SETD1B: variants seen among roughly 807,000 people sequenced by gnomAD.
The protein encoded by SETD1B is SET domain containing 1B, histone lysine methyltransferase, also known as histone-lysine N-methyltransferase SETD1B.
SETD1B carries 7 observed loss-of-function variants against 148.0 expected under a neutral mutation model. The observed-to-expected ratio is 0.05, with a 90% CI of 0.03 to 0.09. The LOEUF (loss-of-function observed/expected upper bound fraction) is 0.09, where lower values mean the gene tolerates loss of function less well. Ranked by LOEUF, SETD1B falls within the 10% of genes least tolerant of loss-of-function variation. The pLI, the probability that SETD1B is intolerant of heterozygous loss-of-function variation, is 1.00. For missense variants in SETD1B, 2,155 were observed against 2,729.9 expected, an observed-to-expected ratio of 0.79 and a Z score of 4.69; for synonymous variants, 1,361 against 1,186.5, an observed-to-expected ratio of 1.15 and a Z score of -3.02.
chr12:121,814,703 C>A lies in SETD1B; in HGVS notation c.2488C>A (p.Arg830Ser), dbSNP rs558765938. Residue 830 changes from arginine to serine, a missense_variant, in exon 7 of 17, where the codon CGC becomes AGC. Around this residue, in one of 11 missense-constraint regions of SETD1B, gnomAD observed 289 missense variants for 423.7 expected, o/e 0.68. Transcript: ENST00000604567. The stretch of plus-strand genomic sequence containing the variant: ...CTCCCTGAGCAACTCCGGCCCAGGC[C>A]GCGGGCAGCACTGGCCACCACTGCC... ...PFSLSNSGPG[R>S]GQHWPPLPKF... The A allele has an allele frequency of 3.9e-6, 6 of 1,550,738 alleles. No individual in the cohort carries two copies. In the South Asian group the frequency reaches 7.1e-5, roughly 18 times the overall value.
Position 121,827,949 on chromosome 12 carries a change from G to A in SETD1B, c.5606G>A (p.Arg1869Gln). 6.4e-7 allele frequency: 1 copy of A among 1,552,040 alleles called. No individual in the cohort carries two copies. The highest frequency in any genetic ancestry group is 1.2e-5 in the South Asian group (1 of 84,078). ...QNIRQVIADM[R>Q]EKRYEDEGIG... ...TGTGGCCAGGTGATCGCAGACATGC[G>A]GGAGAAGCGTTATGAGGACGAGGGC... The change falls in exon 16 of 17, where the codon CGG becomes CAG. Residue 1869 changes from arginine to glutamine, a missense_variant. Arg to Gln is a conservative substitution (Grantham distance 43). This residue lies in a region of SETD1B where 51 missense variants were observed against 162.8 expected (regional missense o/e 0.31). Transcript: ENST00000604567.
At chr12:121,806,129 T>G in intron 4 of SETD1B, 24 bp downstream of exon 4, 2 of 1,545,274 alleles carry the variant, frequency 1.3e-6, no homozygotes, top group African/African-American at 1.4e-5. Context: ...GGGAGGAGCG[T>G]GGGGAGACCT....
intron 12 of SETD1B, among the ~76,000 whole-genome samples, chr12:121,824,748 G>A (rs577729464): frequency 1.3e-5 from 2 of 152,060 alleles, no homozygotes; most frequent in South Asian, 4.1e-4. Flanking sequence ...TGAGCAGAAA[G>A]TTGTTAAAAC....
rs767553186 is a variant in SETD1B at position 121,804,806 on chromosome 12, G to C, written c.69G>C (p.Glu23Asp). 1.3e-6 allele frequency: 2 copies of C among 1,550,908 alleles called. No homozygotes were observed. Among genetic ancestry groups the C allele is most frequent in the Non-Finnish European group, 1.7e-6 (2 of 1,146,752 alleles). The change falls in exon 2 of 17, where the codon GAG becomes GAC. Residue 23 changes from glutamate to aspartate, a missense_variant. Glu to Asp is a conservative substitution (Grantham distance 45). This residue lies in a region of SETD1B where 124 missense variants were observed against 282.9 expected (regional missense o/e 0.44). Coordinates refer to ENST00000604567, the MANE Select transcript of SETD1B (RefSeq NM_001353345.2). The surrounding 1 kb of genome is among the most constrained non-coding windows in gnomAD (Gnocchi z 4.6). ...QPPPQPGPSG[E>D]RRNHHWRSYK... Reference sequence around the variant, plus strand: ...CGCCGCAGCCCGGCCCTTCGGGCGAGAGGAGGAACCACCATTGGAGAAGTT... The same window carrying C: ...CGCCGCAGCCCGGCCCTTCGGGCGACAGGAGGAACCACCATTGGAGAAGTT...
chr12:121,827,457 C>T, intron 13 of SETD1B, 62 bp from the exon 14 acceptor site: 2 of 1,472,874 alleles, frequency 1.4e-6, no homozygotes, highest in South Asian at 2.7e-5. Flanking sequence ...GATCCAGAGC[C>T]TAGGGTGGGA....
intron 16 of SETD1B, among the ~76,000 whole-genome samples, chr12:121,828,943 G>A (rs999268270): frequency 5.9e-5 from 9 of 152,180 alleles, no homozygotes; most frequent in Non-Finnish European, 1.0e-4. Flanking sequence ...GGACTTTCCT[G>A]TGAATATCCG....
intron 6 of SETD1B, among the ~76,000 whole-genome samples, chr12:121,813,116 TCTGACTGG>T (rs1183733900): frequency 1.3e-5 from 2 of 152,126 alleles, no homozygotes; most frequent in African/African-American, 4.8e-5. Context: ...CAGACCTTCT[TCTGACTGG>T]CTGTGCCGCG....
chr12:121,810,700 G>A lies in SETD1B; in HGVS notation c.1755G>A (p.Glu585=). ...TCCCAGACTCCGACGAGGACGAGGA[G>A]CTCGACCTGGGCCTTGGGCCTCGGC... is the stretch of plus-strand genomic sequence containing the variant. ...TPLPDSDEDE[E]LDLGLGPRPP... is the part of the protein sequence containing the mutation. The change falls in exon 6 of 17, where the codon GAG becomes GAA. Residue 585 remains glutamate, a synonymous_variant. Transcript: ENST00000604567. The surrounding 1 kb of genome is among the most constrained non-coding windows in gnomAD (Gnocchi z 7.6). 1.3e-6 allele frequency: 2 copies of A among 1,551,100 alleles called. No homozygotes were observed. Among genetic ancestry groups the A allele is most frequent in the Non-Finnish European group, 1.7e-6 (2 of 1,146,932 alleles).
chr12:121,797,143 T>C, the SETD1B span: 2 of 280,280 alleles, frequency 7.1e-6, no homozygotes, highest in Non-Finnish European at 1.4e-5. Flanking sequence ...CGACCTGAGA[T>C]GGTGGTGCCA....
upstream of SETD1B, chr12:121,800,456 G>A (rs960898666): frequency 6.6e-5 from 10 of 152,166 alleles, no homozygotes; most frequent in Admixed American, 5.2e-4. Flanking sequence ...GGGCGGCCTG[G>A]GGTCAGGGCC....
At chr12:121,828,691 G>T (rs1003819481) in intron 16 of SETD1B, among the ~76,000 whole-genome samples, 2 of 152,254 alleles carry the variant, frequency 1.3e-5, no homozygotes, top group Non-Finnish European at 2.9e-5. Flanking sequence ...GGCATGTTCC[G>T]GGGTGGATGC....
In SETD1B at chr12:121,804,755, C is replaced by A. The variant is rs748729469; in HGVS notation, c.18C>A (p.Pro6=). 4.5e-6 allele frequency: 7 copies of A among 1,550,214 alleles called. No homozygotes were observed. The highest frequency in any genetic ancestry group is 3.9e-5 in the Admixed American group (2 of 50,804). The change falls in exon 2 of 17, where the codon CCC becomes CCA. Residue 6 remains proline (P), a synonymous_variant. Transcript: ENST00000604567. The surrounding 1 kb of genome is among the most constrained non-coding windows in gnomAD (Gnocchi z 4.6). ...TTAACGGCATGGAGAACAGTCACCCCCCCCACCACCACCACCAGCAGCCCC... is the reference window on the plus strand; with the variant it reads ...TTAACGGCATGGAGAACAGTCACCCACCCCACCACCACCACCAGCAGCCCC... The part of the protein sequence containing the change: MENSH[P]PHHHHQQPPP...
Position 121,810,707 on chromosome 12 carries a change from C to T in SETD1B, c.1762C>T (p.Leu588=). The change falls in exon 6 of 17, where the codon CTG becomes TTG. Residue 588 remains leucine (L), a synonymous_variant. Coordinates refer to ENST00000604567, the MANE Select transcript of SETD1B (RefSeq NM_001353345.2). This position sits in a 1 kb window ranked among gnomAD's most constrained non-coding sequence, Gnocchi z 7.6. ...CTCCGACGAGGACGAGGAGCTCGACCTGGGCCTTGGGCCTCGGCCTCCACC... is the reference window on the plus strand; with the variant it reads ...CTCCGACGAGGACGAGGAGCTCGACTTGGGCCTTGGGCCTCGGCCTCCACC... ...PDSDEDEELD[L]GLGPRPPPEP... 1 of 1,551,272 alleles carries T rather than the reference C, an allele frequency of 6.4e-7. No individual in the cohort carries two copies. Among genetic ancestry groups the T allele is most frequent in the Non-Finnish European group, 8.7e-7 (1 of 1,146,942 alleles).
In SETD1B at chr12:121,808,230, T is replaced by C. The variant is rs145928437; in HGVS notation, c.567T>C (p.Tyr189=). The C allele has an allele frequency of 8.3e-3, 12,867 of 1,551,384 alleles. 183 individuals carry two copies. The highest frequency in any genetic ancestry group is 0.036 in the Middle Eastern group (213 of 5,988). Residue 189 remains tyrosine (Y), a synonymous_variant, in exon 5 of 17, where the codon TAT becomes TAC. Coordinates refer to ENST00000604567, the MANE Select transcript of SETD1B (RefSeq NM_001353345.2). This position sits in a 1 kb window ranked among gnomAD's most constrained non-coding sequence, Gnocchi z 5.3. ...CAGGGGAAACCCGAATGCGGTTCTATGAACTGTTGGTCACTGGCCGATACA... is the reference window on the plus strand; with the variant it reads ...CAGGGGAAACCCGAATGCGGTTCTACGAACTGTTGGTCACTGGCCGATACA... The part of the protein sequence containing the change: ...DTKGETRMRF[Y]ELLVTGRYTP...
At chr12:121,797,801 A>T in the SETD1B span, 1 of 352,584 alleles carries the variant, frequency 2.8e-6, no homozygotes, top group Non-Finnish European at 5.6e-6. Context: ...GCCAAATTTA[A>T]AACAGGTTTC....
chr12:121,796,883 A>T, the SETD1B span, among the ~76,000 whole-genome samples: 1 of 152,164 alleles, frequency 6.6e-6, no homozygotes, highest in Non-Finnish European at 1.5e-5. Flanking sequence ...TACTAAAAAT[A>T]CAAAATTATC....
rs1875661043 is a variant in SETD1B, at chr12:121,805,092, C to T, written c.175-26C>T. The T allele has an allele frequency of 1.3e-6, 2 of 1,542,504 alleles. No homozygotes were observed. Among genetic ancestry groups the T allele is most frequent in the South Asian group, 1.2e-5 (1 of 83,844 alleles). On this transcript the variant is annotated intron_variant, in intron 2 of 16. Transcript: ENST00000604567. This position sits in a 1 kb window ranked among gnomAD's most constrained non-coding sequence, Gnocchi z 4.2. ...TGGGGAGGGGGACCAGTTCTCTCAT[C>T]CCGGCCCCCCAATTTCTCCCCACAG...
chr12:121,817,038 G>C lies in SETD1B; in HGVS notation c.2721G>C (p.Ser907=). ...CCCTCCTGTCTCCACCCCAGGCCTCGCTGACCCCGGTGAAGTCGGGCGAGC... is the reference window on the plus strand; with the variant it reads ...CCCTCCTGTCTCCACCCCAGGCCTCCCTGACCCCGGTGAAGTCGGGCGAGC... ...WDKKERMAKA[S]LTPVKSGEHK... The change falls in exon 8 of 17, where the codon TCG becomes TCC. Residue 907 remains serine (S), a synonymous_variant. Coordinates refer to ENST00000604567, the MANE Select transcript of SETD1B (RefSeq NM_001353345.2). The surrounding 1 kb of genome is among the most constrained non-coding windows in gnomAD (Gnocchi z 8.1). 1.3e-6 allele frequency: 2 copies of C among 1,519,410 alleles called. No homozygotes were observed. The highest frequency in any genetic ancestry group is 1.8e-6 in the Non-Finnish European group (2 of 1,126,790). 94.1% of individuals were successfully genotyped at this position (1,519,410 alleles called of 1,614,324 possible).
rs1877047701 is a variant in SETD1B, at chr12:121,830,567, C to A, written c.*328C>A. 1 of 248,102 alleles carries A rather than the reference C, an allele frequency of 4.0e-6. No individual in the cohort carries two copies. Among genetic ancestry groups the A allele is most frequent in the Non-Finnish European group, 7.8e-6 (1 of 128,706 alleles). 15.4% of individuals were successfully genotyped at this position (248,102 alleles called of 1,614,324 possible). A position where few individuals can be genotyped will look rare whatever the true frequency, so the allele number is the denominator to read the frequency against. ...TCTTCTCTGTCTCTTCTCTCTCCCACCATCACCCTCGGCCTCTTCCTGTGA... is the reference window on the plus strand; with the variant it reads ...TCTTCTCTGTCTCTTCTCTCTCCCAACATCACCCTCGGCCTCTTCCTGTGA... On this transcript the variant is annotated 3_prime_UTR_variant, in exon 17 of 17. Transcript: ENST00000604567. The surrounding 1 kb of genome is among the most constrained non-coding windows in gnomAD (Gnocchi z 5.7).
Sources: gnomAD v4.1 joint callset for allele counts (sites outside exome capture counted in the v4.1 genomes callset) on GRCh38, gnomAD v4.1.1 for gene constraint, gnomAD v4.1.1 regional missense constraint, Gnocchi (gnomAD v3.1) non-coding constraint, MANE v1.5 for transcripts, NCBI Gene and HGNC (gene_info 2026-07-23, HGNC 2026-07-21) for gene names.